INTS9: variants seen among roughly 807,000 people sequenced by gnomAD.
INTS9 encodes integrator complex subunit 9.
INTS9 carries 55 observed loss-of-function variants against 79.7 expected under a neutral mutation model. The observed-to-expected ratio is 0.69, with a 90% CI of 0.56 to 0.86. The LOEUF (loss-of-function observed/expected upper bound fraction) is 0.86, where lower values mean the gene tolerates loss of function less well. Among genes scored for constraint, INTS9 ranks in the 40% least tolerant of loss-of-function variants. INTS9 has a pLI of 0.00. For synonymous variants in INTS9, 319 were observed against 325.2 expected, an observed-to-expected ratio of 0.98 and a Z score of 0.20; for missense variants, 721 against 831.5, an observed-to-expected ratio of 0.87 and a Z score of 1.64.
At chr8:28,827,998 G>T (rs1033348512) in intron 6 of INTS9, among the ~76,000 whole-genome samples, 18 of 152,136 alleles carry the variant, frequency 1.2e-4, no homozygotes, top group African/African-American at 4.1e-4. Context: ...AATCAACTCC[G>T]AGTGAAATGA....
chr8:28,889,961 C>T lies in INTS9; in HGVS notation c.-79G>A. The T allele has an allele frequency of 8.2e-7, 1 of 1,214,372 alleles. No homozygotes were observed. Among genetic ancestry groups the T allele is most frequent in the East Asian group, 2.4e-5 (1 of 42,324 alleles). 75.2% of individuals were successfully genotyped at this position (1,214,372 alleles called of 1,614,324 possible). ...CGTCTTCCGGTGCAATCTCCGCCAC[C>T]TGCCAGCCGAGAGCATCGCGGGACT... is the stretch of plus-strand genomic sequence containing the variant. On this transcript the variant is annotated 5_prime_UTR_variant, in exon 1 of 17. Transcript: ENST00000521022.
At chr8:28,800,705 ATCT>A (rs1251645827) in intron 8 of INTS9, among the ~76,000 whole-genome samples, 1 of 152,172 alleles carries the variant, frequency 6.6e-6, no homozygotes, top group Non-Finnish European at 1.5e-5. Context: ...GCATGTACAC[ATCT>A]TCTCCCCCTA....
chr8:28,889,169 A>G (rs1029300137), intron 1 of INTS9, among the ~76,000 whole-genome samples: 20 of 152,238 alleles, frequency 1.3e-4, no homozygotes, highest in African/African-American at 4.8e-4. Context: ...CAATGAGTCA[A>G]ATGGCTCAAA....
In INTS9 at chr8:28,881,114, G is replaced by C. The variant is rs1424932344; in HGVS notation, c.9+8760C>G. Among the ~76,000 whole-genome samples the C allele has an allele frequency of 2.0e-5, 3 of 149,814 alleles. 1 individual carries two copies. The highest frequency in any genetic ancestry group is 4.2e-4 in the South Asian group (2 of 4,738). On this transcript the variant is annotated intron_variant, in intron 1 of 16. Coordinates refer to ENST00000521022, the MANE Select transcript of INTS9 (RefSeq NM_018250.4). ...TCTCCGCCCGGCAGCCACCCCGTCC[G>C]GGAGGGAGGTGGGGGGGTCAGCCCC...
intron 15 of INTS9, among the ~76,000 whole-genome samples, chr8:28,770,745 G>T (rs541429400): frequency 4.6e-5 from 7 of 152,184 alleles, no homozygotes; most frequent in African/African-American, 1.7e-4. Context: ...CACCCTGCAC[G>T]TCTCCCCACA....
chr8:28,784,260 GGTGT>G (rs1277471495), intron 11 of INTS9, among the ~76,000 whole-genome samples: 1 of 152,236 alleles, frequency 6.6e-6, no homozygotes, highest in Non-Finnish European at 1.5e-5. Flanking sequence ...ATTTGTGACA[GGTGT>G]GTGAGTGAGA....
In INTS9 at chr8:28,777,934, C is replaced by G; in HGVS notation, c.1290G>C (p.Leu430=). 1 of 1,611,162 alleles carries G rather than the reference C, an allele frequency of 6.2e-7. No homozygotes were observed. Among genetic ancestry groups the G allele is most frequent in the Non-Finnish European group, 8.5e-7 (1 of 1,178,714 alleles). Residue 430 remains leucine, a synonymous_variant, in exon 13 of 17, where the codon CTG becomes CTC. Transcript: ENST00000521022. The part of the protein sequence containing the change: ...VIFTEPDFSY[L]EALAPYQPLA... ...GCGGCTGGTAAGGAGCCAGGGCTTC[C>G]AGGTAGGAGAAGTCTGGTTCTAGGG...
Position 28,850,210 on chromosome 8 carries a change from TACC to T in INTS9, c.198_198+2del. ...GGCTTTAGTTTGTAGTCTTAGATAT[TACC>T]TTGTCCAAGAAAGCATTTCCATCCT... On this transcript the variant is annotated splice_donor_variant and coding_sequence_variant, in exon 3 of 17. Transcript: ENST00000521022. LOFTEE classifies it high-confidence loss of function. 1.2e-6 allele frequency: 2 copies of T among 1,612,210 alleles called. No individual in the cohort carries two copies. Among genetic ancestry groups the T allele is most frequent in the Non-Finnish European group, 1.7e-6 (2 of 1,178,338 alleles).
intron 6 of INTS9, among the ~76,000 whole-genome samples, chr8:28,824,505 G>A (rs1806038020): frequency 6.6e-6 from 1 of 152,172 alleles, no homozygotes; most frequent in Non-Finnish European, 1.5e-5. Flanking sequence ...ACTTGCTCTT[G>A]CTTAAAACCT....
intron 6 of INTS9, among the ~76,000 whole-genome samples, chr8:28,813,905 C>T (rs536314658): frequency 4.0e-5 from 6 of 151,866 alleles, no homozygotes; most frequent in East Asian, 1.9e-4. Context: ...GGATTACAGG[C>T]GCCCACCACC....
At position 28,850,230 on chromosome 8, in the gene INTS9, T is replaced by C; in HGVS notation, c.181A>G (p.Asn61Asp). 1 of 1,613,760 alleles carries C rather than the reference T, an allele frequency of 6.2e-7. No homozygotes were observed. Among genetic ancestry groups the C allele is most frequent in the African/African-American group, 1.3e-5 (1 of 75,026 alleles). Residue 61 changes from asparagine to aspartate, a missense_variant, in exon 3 of 17, where the codon AAT becomes GAT. Physicochemically the swap from Asn to Asp is conservative, Grantham distance 23. Transcript: ENST00000521022. ...GATATTACCTTGTCCAAGAAAGCAT[T>C]TCCATCCTTCAGGGACCAGCCAGGA... ...NLPGWSLKDG[N>D]AFLDKELKEC... is the part of the protein sequence containing the mutation.
At chr8:28,808,689 A>G (rs1804946178) in intron 8 of INTS9, among the ~76,000 whole-genome samples, 1 of 152,256 alleles carries the variant, frequency 6.6e-6, no homozygotes, top group South Asian at 2.1e-4. Context: ...TCATGCAGAC[A>G]TAAGATCTGT....
At position 28,768,279 on chromosome 8, in the gene INTS9, T is replaced by C; in HGVS notation, c.1844A>G (p.His615Arg). ...CTCAGCCTCCTGGAGCAGGACGATA[T>C]GGCCCTTGGCTGTGTCCTCCACCTT... ...DIKVEDTAKG[H>R]IVLLQEAETL... The change falls in exon 17 of 17, where the codon CAT (histidine) becomes CGT (arginine). Residue 615 changes from histidine (H) to arginine (R), a missense_variant. Around this residue, in one of 3 missense-constraint regions of INTS9, gnomAD observed 281 missense variants for 300.8 expected, o/e 0.93. Coordinates refer to ENST00000521022, the MANE Select transcript of INTS9 (RefSeq NM_018250.4). The C allele has an allele frequency of 6.2e-7, 1 of 1,614,036 alleles. No individual in the cohort carries two copies. Among genetic ancestry groups the C allele is most frequent in the Non-Finnish European group, 8.5e-7 (1 of 1,180,032 alleles).
chr8:28,822,010 GC>G (rs1230816277), intron 6 of INTS9, among the ~76,000 whole-genome samples: 1 of 152,074 alleles, frequency 6.6e-6, no homozygotes, highest in Non-Finnish European at 1.5e-5. Context: ...CAAGCGATCT[GC>G]CCGCCGTGGC....
At chr8:28,848,758 C>T (rs17451343) in intron 3 of INTS9, among the ~76,000 whole-genome samples, 16,018 of 152,236 alleles carry the variant, frequency 0.11, 1,072 homozygotes, top group Middle Eastern at 0.19. Flanking sequence ...TCTCATCCTT[C>T]CCGGCCTGCA....
At chr8:28,779,922 C>T (rs1016426183) in intron 12 of INTS9, among the ~76,000 whole-genome samples, 2 of 152,078 alleles carry the variant, frequency 1.3e-5, no homozygotes, top group African/African-American at 2.4e-5. Context: ...CGCCATGTGC[C>T]GGGTTCTGTG....
intron 13 of INTS9, among the ~76,000 whole-genome samples, 189 bp downstream of exon 13, chr8:28,777,640 G>A (rs977683750): frequency 3.3e-5 from 5 of 152,018 alleles, no homozygotes; most frequent in African/African-American, 4.8e-5. Context: ...GGAAACTGCG[G>A]TCAGGGTGTA....
intron 2 of INTS9, 47 bp from the exon 3 acceptor site, chr8:28,850,320 T>C (rs1410177742): frequency 6.8e-7 from 1 of 1,473,866 alleles, no homozygotes; most frequent in Non-Finnish European, 9.5e-7. Flanking sequence ...TAGATTATAA[T>C]CCTCAATGAC....
rs535788941 is a variant in INTS9 at position 28,772,317 on chromosome 8, C to G, written c.1564-1237G>C. Among the ~76,000 whole-genome samples, 322 of 152,118 alleles carry G rather than the reference C, an allele frequency of 2.1e-3. 1 individual carries two copies. The highest frequency in any genetic ancestry group is 7.2e-3 in the African/African-American group (297 of 41,476). On this transcript the variant is annotated intron_variant, in intron 14 of 16. Transcript: ENST00000521022. ...CGGTGGGCAGACTGGAGTTTGAGAC[C>G]AGCCTGGCCAATATGGTGAAACCCC...
Sources: allele counts gnomAD v4.1 joint callset (sites outside exome capture counted in the v4.1 genomes callset), GRCh38; gene constraint gnomAD v4.1.1; regional missense constraint gnomAD v4.1.1; transcripts MANE v1.5; gene names NCBI Gene and HGNC (gene_info 2026-07-23, HGNC 2026-07-21).